Variants in KAZN observed in about 807,000 individuals in gnomAD.
KAZN encodes kazrin, periplakin interacting protein, also known as kazrin.
Under a neutral mutation model 87.4 loss-of-function variants are expected in KAZN, and 40 were observed. That is an observed-to-expected ratio of 0.46 (90% CI 0.36 to 0.60). KAZN has a LOEUF of 0.60. Among genes scored for constraint, KAZN ranks in the 20% least tolerant of loss-of-function variants. KAZN has a pLI of 0.00. For missense variants in KAZN, 898 were observed against 1,073.9 expected, an observed-to-expected ratio of 0.84 and a Z score of 2.29; for synonymous variants, 466 against 458.3, an observed-to-expected ratio of 1.02 and a Z score of -0.22.
At chr1:14,423,606 G>A (rs1285428662) in intron 2 of KAZN, among the ~76,000 whole-genome samples, 1 of 152,126 alleles carries the variant, frequency 6.6e-6, no homozygotes, top group Non-Finnish European at 1.5e-5. Context: ...CACTTACTAT[G>A]GATCAAGCAC....
chr1:13,960,314 A>G lies in KAZN; in HGVS notation c.91+66558A>G, dbSNP rs180827840. ...AAACTGAGGCAGAGAGCTTCGCCCA[A>G]CATCACACAGGCAGGCAGAACTGGG... On this transcript the variant is annotated intron_variant, in intron 1 of 16. Transcript: ENST00000636203. Among the ~76,000 whole-genome samples, 56 of 152,336 alleles carry G rather than the reference A, an allele frequency of 3.7e-4. No individual in the cohort carries two copies. The East Asian group carries it at 8.9e-3, about 24-fold the overall frequency.
chr1:14,040,035 ATGTGTGTGTGCACGTG>A (rs1474439050), intron 1 of KAZN, among the ~76,000 whole-genome samples: 236 of 151,758 alleles, frequency 1.6e-3, no homozygotes, highest in Non-Finnish European at 2.5e-3. Flanking sequence ...GTGGAAAAGG[ATGTGTGTGTGCACGTG>A]TGTGTGTGTG....
intron 1 of KAZN, among the ~76,000 whole-genome samples, chr1:14,632,835 A>T (rs1027643587): frequency 6.6e-6 from 1 of 151,906 alleles, no homozygotes; most frequent in Non-Finnish European, 1.5e-5. Context: ...CCGTGGCGTG[A>T]CCTGAATACA....
intron 2 of KAZN, among the ~76,000 whole-genome samples, chr1:14,529,486 C>T (rs781209353): frequency 1.5e-4 from 23 of 152,168 alleles, no homozygotes; most frequent in Non-Finnish European, 3.4e-4. Flanking sequence ...CAGTAAATAA[C>T]GATCTTGGAA....
chr1:14,386,169 G>C (rs1323038251), intron 2 of KAZN, among the ~76,000 whole-genome samples: 2 of 145,822 alleles, frequency 1.4e-5, no homozygotes, highest in Non-Finnish European at 3.0e-5. Flanking sequence ...TTGCTTGGTA[G>C]ATCTTCCTCC....
Position 14,906,036 on chromosome 1 carries a change from A to G in KAZN, c.227-54648A>G, listed in dbSNP as rs943111567. Among the ~76,000 whole-genome samples the G allele has an allele frequency of 4.7e-5, 7 of 149,944 alleles. No homozygotes were observed. In the South Asian group the frequency reaches 6.4e-4, roughly 14 times the overall value. On this transcript the variant is annotated intron_variant, in intron 1 of 14. Coordinates refer to ENST00000376030, the MANE Select transcript of KAZN (RefSeq NM_201628.3). ...ACAAAAATTAGCTGGGTATGGTGGC[A>G]CATGCCTGTAATCCCAGCTACTCGG...
chr1:14,051,419 T>C (rs4662093), intron 1 of KAZN, among the ~76,000 whole-genome samples: 142,681 of 151,978 alleles, frequency 0.94, 67,081 homozygotes, highest in African/African-American at 0.97. Flanking sequence ...TTTTTAATTC[T>C]TGTTCATCTA....
intron 2 of KAZN, among the ~76,000 whole-genome samples, chr1:14,352,665 A>G (rs1419029552): frequency 6.6e-6 from 1 of 152,220 alleles, no homozygotes; most frequent in East Asian, 1.9e-4. Flanking sequence ...CGTGAGAGAA[A>G]AAAAGGCAAG....
chr1:14,230,719 G>A (rs1647738721), intron 2 of KAZN, among the ~76,000 whole-genome samples: 1 of 152,164 alleles, frequency 6.6e-6, no homozygotes, highest in South Asian at 2.1e-4. Flanking sequence ...CTATGACACT[G>A]AACTTGTGTC....
intron 1 of KAZN, among the ~76,000 whole-genome samples, chr1:14,678,661 C>T (rs1045527686): frequency 2.6e-5 from 4 of 152,154 alleles, no homozygotes; most frequent in African/African-American, 9.7e-5. Context: ...TGATGCAGGG[C>T]GAGCCCCTTC....
At chr1:14,497,824 A>C (rs1415703808) in intron 2 of KAZN, among the ~76,000 whole-genome samples, 4 of 141,604 alleles carry the variant, frequency 2.8e-5, no homozygotes, top group Non-Finnish European at 5.9e-5. Context: ...TTGAGATGGA[A>C]AAAAAAAAAG....
At position 14,896,060 on chromosome 1, in the gene KAZN, T is replaced by C. The variant is rs1253025154; in HGVS notation, c.227-64624T>C. On this transcript the variant is annotated intron_variant, in intron 1 of 14. Coordinates refer to ENST00000376030, the MANE Select transcript of KAZN (RefSeq NM_201628.3). ...AGACGCCTTTTTTTTTTTTTTTTTT[T>C]TTTTTTTTTTTTGGACACAGATTCT... is the stretch of plus-strand genomic sequence containing the variant. Among the ~76,000 whole-genome samples, 20 of 17,934 alleles carry C rather than the reference T, an allele frequency of 1.1e-3. No individual in the cohort carries two copies. In the Admixed American group the frequency reaches 0.013, roughly 11 times the overall value. The allele number at this position is 17,934 out of a possible 152,430, so 11.8% of individuals were successfully genotyped here. A position where few individuals can be genotyped will look rare whatever the true frequency, so the allele number is the denominator to read the frequency against.
chr1:14,511,820 T>TA (rs2148446034), intron 2 of KAZN, among the ~76,000 whole-genome samples: 1 of 152,284 alleles, frequency 6.6e-6, no homozygotes, highest in Admixed American at 6.5e-5. Flanking sequence ...AATCATGTAC[T>TA]AAAAAGCCAG....
chr1:14,928,010 T>A (rs1659354301), intron 1 of KAZN, among the ~76,000 whole-genome samples: 1 of 151,960 alleles, frequency 6.6e-6, no homozygotes, highest in Admixed American at 6.5e-5. Context: ...CAGTTGCTAA[T>A]CCCATCCACA....
intron 2 of KAZN, among the ~76,000 whole-genome samples, chr1:14,437,015 C>T (rs1017332851): frequency 5.3e-5 from 8 of 152,282 alleles, no homozygotes; most frequent in African/African-American, 1.9e-4. Flanking sequence ...TACCAACTAC[C>T]CTGGATCCAG....
At chr1:14,615,522 A>C (rs982707580) in intron 1 of KAZN, among the ~76,000 whole-genome samples, 1 of 152,072 alleles carries the variant, frequency 6.6e-6, no homozygotes, top group Admixed American at 6.6e-5. Flanking sequence ...GCTACTTGGG[A>C]GGCTGAAGCA....
intron 1 of KAZN, chr1:14,924,307 G>A: frequency 1.0e-6 from 1 of 985,514 alleles, no homozygotes; most frequent in Non-Finnish European, 1.2e-6. Context: ...TGTGAGCCCG[G>A]CGCGCGCCGT....
chr1:14,057,668 G>C (rs1397978613), intron 1 of KAZN, among the ~76,000 whole-genome samples: 2 of 152,204 alleles, frequency 1.3e-5, no homozygotes, highest in African/African-American at 2.4e-5. Flanking sequence ...CAAATCCATA[G>C]TTCCTAAGGC....
chr1:14,774,402 T>C (rs1267388649), intron 1 of KAZN, among the ~76,000 whole-genome samples: 1 of 151,164 alleles, frequency 6.6e-6, no homozygotes, highest in Non-Finnish European at 1.5e-5. Flanking sequence ...GCTTATCTCC[T>C]CCCTTTCCCC....
Sources: gnomAD v4.1 joint callset for allele counts (sites outside exome capture counted in the v4.1 genomes callset) on GRCh38, gnomAD v4.1.1 for gene constraint, MANE v1.5 for transcripts, NCBI Gene and HGNC (gene_info 2026-07-23, HGNC 2026-07-21) for gene names.